PES1: variants seen among roughly 807,000 people sequenced by gnomAD.
The protein encoded by PES1 is pescadillo ribosomal biogenesis factor 1.
A neutral mutation model predicts 77.1 loss-of-function variants in PES1; 31 were observed. That is an observed-to-expected ratio of 0.40 (90% CI 0.30 to 0.54). PES1 has a LOEUF of 0.54. PES1 is among the 20% of genes least tolerant of loss of function. The pLI, the probability that PES1 is intolerant of heterozygous loss-of-function variation, is 0.45. For synonymous variants in PES1, 282 were observed against 303.0 expected (o/e 0.93, Z 0.72); for missense variants, 658 against 771.7 (o/e 0.85, Z 1.75).
chr22:30,579,443 C>G (rs1369026879), intron 12 of PES1, 140 bp from the exon 13 acceptor site: 22 of 1,369,226 alleles, frequency 1.6e-5, no homozygotes, highest in Middle Eastern at 2.2e-4. Context: ...TTGTGGCCCT[C>G]TCTTGCACCT....
chr22:30,579,952 G>A lies in PES1; in HGVS notation c.1170-17C>T. On this transcript the variant is annotated splice_polypyrimidine_tract_variant and intron_variant, in intron 11 of 14. Coordinates refer to ENST00000354694, the MANE Select transcript of PES1 (RefSeq NM_014303.4). ...ACGTAGCACCTGGCGCAGAGTGGCA[G>A]GCAAAAACGAGTCACAGAGGGCAAC... is the stretch of plus-strand genomic sequence containing the variant. The A allele has an allele frequency of 6.2e-7, 1 of 1,611,436 alleles. No individual in the cohort carries two copies. Among genetic ancestry groups the A allele is most frequent in the Non-Finnish European group, 8.5e-7 (1 of 1,178,084 alleles).
intron 2 of PES1, among the ~76,000 whole-genome samples, chr22:30,588,660 G>A (rs1223597101): frequency 6.6e-6 from 1 of 152,132 alleles, no homozygotes; most frequent in East Asian, 1.9e-4. Context: ...GCCAGCAACT[G>A]TAATCCTAGC....
chr22:30,593,409 C>T (rs2087211195), upstream of PES1, among the ~76,000 whole-genome samples: 1 of 152,138 alleles, frequency 6.6e-6, no homozygotes, highest in South Asian at 2.1e-4. Flanking sequence ...ATTTATTGAA[C>T]CCAGGAGGTA....
rs147644381 is a variant in PES1, at chr22:30,579,895, C to A, written c.1210G>T (p.Ala404Ser). The change falls in exon 12 of 15, where the codon GCC becomes TCC. Residue 404 changes from alanine to serine, a missense_variant. Physicochemically the swap from Ala to Ser is moderately conservative, Grantham distance 99. Coordinates refer to ENST00000354694, the MANE Select transcript of PES1 (RefSeq NM_014303.4). Reference protein sequence around the residue: ...QPQWVFDSVNARLLLPVAEYF... With the variant: ...QPQWVFDSVNSRLLLPVAEYF... ...TCTGCCACGGGGAGAAGGAGCCTGG[C>A]GTTCACTGAGTCAAACACCCACTGG... 6.2e-7 allele frequency: 1 copy of A among 1,614,130 alleles called. No individual in the cohort carries two copies.
chr22:30,579,744 C>A lies in PES1; in HGVS notation c.1354+7G>T. 6.2e-7 allele frequency: 1 copy of A among 1,613,300 alleles called. No individual in the cohort carries two copies. Among genetic ancestry groups the A allele is most frequent in the African/African-American group, 1.3e-5 (1 of 75,032 alleles). Reference sequence around the variant, plus strand: ...GGTCAAGGCCAGCCCAGTCCCATCCCGCTCACCTGGGTCCTCTCCCCGCTG... The same window carrying A: ...GGTCAAGGCCAGCCCAGTCCCATCCAGCTCACCTGGGTCCTCTCCCCGCTG... On this transcript the variant is annotated splice_region_variant and intron_variant, in intron 12 of 14. Transcript: ENST00000354694.
At chr22:30,600,883 C>T (rs753189761) in intron 2 of PES1, among the ~76,000 whole-genome samples, 1 of 152,100 alleles carries the variant, frequency 6.6e-6, no homozygotes, top group Admixed American at 6.6e-5. Context: ...ATCTTTTATG[C>T]GATAAAAGCT....
At chr22:30,603,703 TA>T (rs2087394449) in intron 2 of PES1, 2 of 152,202 alleles carry the variant, frequency 1.3e-5, no homozygotes, top group African/African-American at 4.8e-5. Context: ...TTTTAATATA[TA>T]TACACTTTTA....
At chr22:30,602,928 T>TGA (rs1555893516) in intron 2 of PES1, among the ~76,000 whole-genome samples, 4 of 151,980 alleles carry the variant, frequency 2.6e-5, no homozygotes, top group Admixed American at 6.6e-5. Flanking sequence ...TGTGTGTGTG[T>TGA]GAGAAGGAGT....
At chr22:30,589,294 T>A in intron 1 of PES1, 24 bp from the exon 2 acceptor site, 1 of 1,585,582 alleles carries the variant, frequency 6.3e-7, no homozygotes, top group Non-Finnish European at 8.6e-7. Flanking sequence ...AAAACAATTC[T>A]CCATTAGCAA....
At chr22:30,605,495 G>A in exon 2 of PES1, 1 of 985,082 alleles carries the variant, frequency 1.0e-6, no homozygotes, top group Non-Finnish European at 1.2e-6. Flanking sequence ...ATCCTCCATG[G>A]CCACCTCCTC....
intron 2 of PES1, among the ~76,000 whole-genome samples, chr22:30,602,850 GA>G: frequency 6.6e-6 from 1 of 152,146 alleles, no homozygotes; most frequent in Non-Finnish European, 1.5e-5. Context: ...TGCACCATTT[GA>G]TGAAATGTCT....
At chr22:30,605,893 T>C (rs1432279207) in intron 1 of PES1, among the ~76,000 whole-genome samples, 1 of 152,242 alleles carries the variant, frequency 6.6e-6, no homozygotes, top group East Asian at 1.9e-4. Flanking sequence ...CATAAAATAA[T>C]TGCAATGCAG....
In PES1 at chr22:30,583,273, G is replaced by A. The variant is rs2087014562; in HGVS notation, c.630+1092C>T. On this transcript the variant is annotated intron_variant, in intron 6 of 14. Transcript: ENST00000354694. Reference sequence around the variant, plus strand: ...TGAGGGCCAAGCCCGCCTCTCACTCGCAAACAGGCCACAGCCTCACCACCA... The same window carrying A: ...TGAGGGCCAAGCCCGCCTCTCACTCACAAACAGGCCACAGCCTCACCACCA... Among the ~76,000 whole-genome samples the A allele has an allele frequency of 4.6e-5, 7 of 152,276 alleles. No homozygotes were observed. In the South Asian group the frequency reaches 1.4e-3, roughly 32 times the overall value.
intron 2 of PES1, among the ~76,000 whole-genome samples, chr22:30,601,657 C>T (rs1478097951): frequency 6.6e-6 from 1 of 151,988 alleles, no homozygotes; most frequent in East Asian, 1.9e-4. Flanking sequence ...TTAGTTTTAT[C>T]ACTGTTTTTA....
intron 2 of PES1, among the ~76,000 whole-genome samples, chr22:30,600,138 C>T (rs2087332395): frequency 6.6e-6 from 1 of 151,836 alleles, no homozygotes; most frequent in Non-Finnish European, 1.5e-5. Context: ...TTGAGACCAC[C>T]CTGGGCAAAA....
chr22:30,600,842 G>C (rs2087343923), intron 2 of PES1, among the ~76,000 whole-genome samples: 2 of 152,092 alleles, frequency 1.3e-5, no homozygotes, highest in Non-Finnish European at 2.9e-5. Context: ...AAAAATTGGG[G>C]ATGGGCTCCA....
At chr22:30,594,423 G>C (rs1457012741), upstream of PES1, among the ~76,000 whole-genome samples, 9 of 151,986 alleles carry the variant, frequency 5.9e-5, no homozygotes, top group Admixed American at 4.6e-4. Context: ...GCGAGGCCAA[G>C]GCAGAAAAAT....
intron 2 of PES1, among the ~76,000 whole-genome samples, chr22:30,602,911 TTGTGTG>T (rs61098443): frequency 1.4e-4 from 21 of 150,786 alleles, no homozygotes; most frequent in Non-Finnish European, 2.5e-4. Flanking sequence ...TGAAAGCAAT[TTGTGTG>T]TGTGTGTGTG....
chr22:30,578,698 C>A, intron 14 of PES1, 139 bp downstream of exon 14: 1 of 1,001,972 alleles, frequency 1.0e-6, no homozygotes, highest in Non-Finnish European at 1.5e-6. Context: ...AAAGGCTGGG[C>A]TGGGCCAGGC....
Sources: allele counts gnomAD v4.1 joint callset (sites outside exome capture counted in the v4.1 genomes callset), GRCh38; gene constraint gnomAD v4.1.1; transcripts MANE v1.5; gene names NCBI Gene and HGNC (gene_info 2026-07-23, HGNC 2026-07-21).